The following MME variants were observed in gnomAD, a reference collection of about 807,000 sequenced individuals.
MME encodes membrane metalloendopeptidase, also known as neprilysin.
MME carries 98 observed loss-of-function variants against 113.2 expected under a neutral mutation model. That is an observed-to-expected ratio of 0.87 (90% confidence interval 0.74 to 1.02). The LOEUF is 1.02. Among genes scored for constraint, MME ranks in the 50% least tolerant of loss-of-function variants. MME has a pLI of 0.00. For missense variants in MME, 836 were observed against 896.0 expected, an observed-to-expected ratio of 0.93 and a Z score of 0.86; for synonymous variants, 292 against 300.6, an observed-to-expected ratio of 0.97 and a Z score of 0.30.
chr3:155,084,819 G>T (rs61762322), intron 2 of MME, among the ~76,000 whole-genome samples: 1 of 152,108 alleles, frequency 6.6e-6, no homozygotes, highest in African/African-American at 2.4e-5. Flanking sequence ...CTGGGGCTTC[G>T]TTGGTAGAGA....
chr3:155,047,395 A>C (rs571135871), intron 1 of MME, among the ~76,000 whole-genome samples: 66 of 152,316 alleles, frequency 4.3e-4, no homozygotes, highest in African/African-American at 1.5e-3. Flanking sequence ...TGTATCATCT[A>C]GGTTTGTGTA....
intron 3 of MME, among the ~76,000 whole-genome samples, chr3:155,104,961 A>G (rs1211412935): frequency 1.3e-5 from 2 of 152,168 alleles, no homozygotes; most frequent in African/African-American, 4.8e-5. Context: ...TTATTTTTAG[A>G]CTTATGGCAC....
chr3:155,077,202 G>T (rs1401598976), upstream of MME, among the ~76,000 whole-genome samples: 1 of 151,928 alleles, frequency 6.6e-6, no homozygotes, highest in Non-Finnish European at 1.5e-5. Flanking sequence ...CTGGCTCAAT[G>T]GTGCATATAA....
chr3:155,027,209 G>A (rs1037411081), intron 1 of MME, among the ~76,000 whole-genome samples: 1 of 152,104 alleles, frequency 6.6e-6, no homozygotes, highest in Non-Finnish European at 1.5e-5. Context: ...CCTGAGTCAG[G>A]GCTTCTTGAT....
At chr3:155,144,480 G>A (rs201908417) in intron 14 of MME, 23 bp downstream of exon 14, 8 of 1,485,034 alleles carry the variant, frequency 5.4e-6, no homozygotes, top group Non-Finnish European at 7.5e-6. Flanking sequence ...CAGCTAACTA[G>A]CAAAGAAAAA....
At chr3:155,101,094 T>C (rs2108216071) in intron 3 of MME, among the ~76,000 whole-genome samples, 1 of 152,228 alleles carries the variant, frequency 6.6e-6, no homozygotes, top group East Asian at 1.9e-4. Context: ...CCACCCACTC[T>C]CTTCCTCCCG....
At chr3:155,172,248 C>T in intron 21 of MME, 36 bp downstream of exon 21, 1 of 1,373,562 alleles carries the variant, frequency 7.3e-7, no homozygotes, top group Non-Finnish European at 1.0e-6. Flanking sequence ...ATATGAAAAC[C>T]ATTTTGAGTT....
At chr3:155,137,009 A>C (rs977838225) in intron 8 of MME, among the ~76,000 whole-genome samples, 2 of 152,186 alleles carry the variant, frequency 1.3e-5, no homozygotes, top group Non-Finnish European at 2.9e-5. Context: ...CAAACCTAAC[A>C]AAAGTGGGAC....
At chr3:155,165,831 A>T (rs146789883) in intron 17 of MME, among the ~76,000 whole-genome samples, 50 of 152,298 alleles carry the variant, frequency 3.3e-4, no homozygotes, top group African/African-American at 1.1e-3. Flanking sequence ...AAGTAGAAAC[A>T]TTTACTTTTG....
At chr3:155,170,778 A>G (rs541418932) in intron 20 of MME, among the ~76,000 whole-genome samples, 6 of 152,094 alleles carry the variant, frequency 3.9e-5, no homozygotes, top group African/African-American at 1.4e-4. Flanking sequence ...CCTTATCCTC[A>G]ACTCAAGGAG....
upstream of MME, among the ~76,000 whole-genome samples, chr3:155,078,886 T>A (rs1714878992): frequency 6.6e-6 from 1 of 152,180 alleles, no homozygotes; most frequent in South Asian, 2.1e-4. Context: ...TGAGGAGGAA[T>A]CGCTGTGTCT....
chr3:155,103,988 A>G (rs190513987), intron 3 of MME, among the ~76,000 whole-genome samples: 1 of 152,304 alleles, frequency 6.6e-6, no homozygotes. Context: ...TTACTTGTCA[A>G]CTGAACACTG....
At chr3:155,177,308 G>T (rs1712639183) in intron 22 of MME, among the ~76,000 whole-genome samples, 1 of 152,218 alleles carries the variant, frequency 6.6e-6, no homozygotes, top group Admixed American at 6.5e-5. Context: ...GCTCCCTAGT[G>T]TGAGGAATGC....
At chr3:155,027,059 C>T (rs752196966) in intron 1 of MME, among the ~76,000 whole-genome samples, 3 of 152,178 alleles carry the variant, frequency 2.0e-5, no homozygotes, top group Non-Finnish European at 4.4e-5. Flanking sequence ...ATCCCAGAAA[C>T]TGAAGTCTCA....
At chr3:155,176,420 G>C (rs1375803984) in intron 22 of MME, among the ~76,000 whole-genome samples, 1 of 152,116 alleles carries the variant, frequency 6.6e-6, no homozygotes, top group Non-Finnish European at 1.5e-5. Context: ...ACACAGTTTT[G>C]TAAAGCATGA....
At chr3:155,063,593 ATATAT>A (rs1032507022) in intron 1 of MME, among the ~76,000 whole-genome samples, 11 of 120,810 alleles carry the variant, frequency 9.1e-5, no homozygotes, top group East Asian at 8.8e-4. Flanking sequence ...TATATAATAA[ATATAT>A]TATATTTGAT....
chr3:155,128,820 G>A lies in MME; in HGVS notation c.721-9282G>A, dbSNP rs79031717. 1.9e-3 allele frequency among the ~76,000 whole-genome samples: 289 copies of A among 152,230 alleles called. 2 individuals are homozygous for A. Among genetic ancestry groups the A allele is most frequent in the African/African-American group, 6.8e-3 (281 of 41,542 alleles). The stretch of plus-strand genomic sequence containing the variant: ...AAATGAATGATTGAGGGGGAAGATA[G>A]CAGGGAAGAGAGGAAACAAAAGAAA... On this transcript the variant is annotated intron_variant, in intron 8 of 22. Transcript: ENST00000360490.
rs1713103216 is a variant in MME, at chr3:155,181,662, G to A, written c.*1203G>A. On this transcript the variant is annotated 3_prime_UTR_variant, in exon 23 of 23. Transcript: ENST00000360490. ...GAATAGAAATGGGAGGCCTCTGATGGACCTTCTAGAATTATAAGTCACAAA... is the reference window on the plus strand; with the variant it reads ...GAATAGAAATGGGAGGCCTCTGATGAACCTTCTAGAATTATAAGTCACAAA... The A allele has an allele frequency of 6.6e-6, 1 of 152,052 alleles. No individual in the cohort carries two copies. Among genetic ancestry groups the A allele is most frequent in the Non-Finnish European group, 1.5e-5 (1 of 67,998 alleles). 9.4% of individuals were successfully genotyped at this position (152,052 alleles called of 1,614,324 possible).
intron 3 of MME, among the ~76,000 whole-genome samples, chr3:155,113,866 A>C (rs959776385): frequency 2.6e-5 from 4 of 152,146 alleles, no homozygotes; most frequent in East Asian, 1.9e-4. Context: ...AACTCATGAG[A>C]TGACTGGTTT....
Sources: gnomAD v4.1 joint callset for allele counts (sites outside exome capture counted in the v4.1 genomes callset) on GRCh38, gnomAD v4.1.1 for gene constraint, MANE v1.5 for transcripts, NCBI Gene and HGNC (gene_info 2026-07-23, HGNC 2026-07-21) for gene names.